SEMA3A: variants seen among roughly 807,000 people sequenced by gnomAD.
The protein encoded by SEMA3A is semaphorin 3A.
In SEMA3A, 29 loss-of-function variants were observed where a neutral mutation model predicts 97.9. The ratio of observed to expected loss-of-function variants is 0.30; its 90% confidence interval spans 0.22 to 0.40. The LOEUF is 0.40. Ranked by LOEUF, SEMA3A falls within the 10% of genes least tolerant of loss-of-function variation. SEMA3A has a pLI of 1.00. For synonymous variants in SEMA3A, 321 were observed against 323.7 expected (o/e 0.99, Z 0.09); for missense variants, 763 against 951.3 (o/e 0.80, Z 2.60).
rs571715476 is a variant in SEMA3A, at chr7:84,394,580, G to A, written c.-245-22680C>T. ...GCCTTCTGCAACAGTTCTAGCAAAG[G>A]GCCCAGTATCAGTATGAGAGTCATA... is the stretch of plus-strand genomic sequence containing the variant. On this transcript the variant is annotated intron_variant, in intron 1 of 3. Coordinates refer to the SEMA3A transcript ENST00000424555. 1.3e-4 allele frequency among the ~76,000 whole-genome samples: 20 copies of A among 152,074 alleles called. No individual in the cohort carries two copies. The East Asian group carries it at 2.9e-3, about 22-fold the overall frequency.
At chr7:84,457,147 G>C (rs1004486617) in intron 1 of SEMA3A, among the ~76,000 whole-genome samples, 5 of 151,614 alleles carry the variant, frequency 3.3e-5, no homozygotes, top group African/African-American at 4.8e-5. Flanking sequence ...TAAGATTGTT[G>C]CTAGTGTGGA....
chr7:84,132,096 A>C (rs114102541), intron 2 of SEMA3A, among the ~76,000 whole-genome samples: 6 of 152,162 alleles, frequency 3.9e-5, no homozygotes, highest in Non-Finnish European at 5.9e-5. Context: ...TACAGGTGTG[A>C]GCCACCATAC....
At chr7:84,258,467 A>G (rs950977412) in intron 3 of SEMA3A, among the ~76,000 whole-genome samples, 2 of 152,186 alleles carry the variant, frequency 1.3e-5, no homozygotes, top group African/African-American at 4.8e-5. Flanking sequence ...TATATGCTGT[A>G]TTTTGAGAAG....
intron 6 of SEMA3A, among the ~76,000 whole-genome samples, chr7:84,022,815 TGGGGAA>T (rs1179157418): frequency 1.3e-5 from 2 of 152,220 alleles, no homozygotes; most frequent in Non-Finnish European, 2.9e-5. Flanking sequence ...GGTATGCCTT[TGGGGAA>T]GAAACTTTGT....
intron 1 of SEMA3A, among the ~76,000 whole-genome samples, chr7:84,436,999 T>C (rs1805149565): frequency 6.6e-6 from 1 of 152,104 alleles, no homozygotes; most frequent in South Asian, 2.1e-4. Context: ...TACCAATGAT[T>C]CAATTCCATG....
chr7:84,393,201 C>G (rs1771137815), intron 1 of SEMA3A, among the ~76,000 whole-genome samples: 1 of 152,054 alleles, frequency 6.6e-6, no homozygotes, highest in African/African-American at 2.4e-5. Flanking sequence ...AGTATTTAAT[C>G]AATTTTGAGT....
At position 84,305,353 on chromosome 7, in the gene SEMA3A, T is replaced by C. The variant is rs1394252545; in HGVS notation, c.-83+1854A>G. Among the ~76,000 whole-genome samples the C allele has an allele frequency of 1.1e-4, 17 of 151,908 alleles. 1 individual carries two copies. Among genetic ancestry groups the C allele is most frequent in the Admixed American group, 9.8e-4 (15 of 15,242 alleles). ...ATTTATGTATCCTAGCTTATATGTG[T>C]GTTACCCAAAACTTAGAATCATAAA... On this transcript the variant is annotated intron_variant, in intron 3 of 3. Transcript: ENST00000424555.
chr7:84,331,284 A>AT (rs1351223916), intron 2 of SEMA3A, among the ~76,000 whole-genome samples: 1 of 152,078 alleles, frequency 6.6e-6, no homozygotes, highest in Non-Finnish European at 1.5e-5. Context: ...TCTTCCAAAG[A>AT]TTTTTTAGCT....
intron 1 of SEMA3A, among the ~76,000 whole-genome samples, chr7:84,147,857 T>C (rs1257496635): frequency 6.6e-6 from 1 of 152,160 alleles, no homozygotes; most frequent in Non-Finnish European, 1.5e-5. Flanking sequence ...GTTGTTTACC[T>C]CAGAGGTTAT....
At chr7:83,978,035 C>T (rs905641111) in intron 14 of SEMA3A, among the ~76,000 whole-genome samples, 10 of 152,024 alleles carry the variant, frequency 6.6e-5, no homozygotes, top group African/African-American at 2.2e-4. Context: ...GATCTCCTGA[C>T]CTTGTGATCC....
At chr7:84,005,672 G>T (rs1018561851) in intron 10 of SEMA3A, 114 bp from the exon 11 acceptor site, 4 of 714,642 alleles carry the variant, frequency 5.6e-6, no homozygotes, top group Non-Finnish European at 6.7e-6. Flanking sequence ...TGCAGGCCAG[G>T]TATGGTAGCT....
chr7:84,416,640 G>GA (rs1804444534), intron 1 of SEMA3A, among the ~76,000 whole-genome samples: 1 of 152,038 alleles, frequency 6.6e-6, no homozygotes, highest in Non-Finnish European at 1.5e-5. Flanking sequence ...GTTTGAAGTT[G>GA]AAAAAACTCT....
intron 14 of SEMA3A, among the ~76,000 whole-genome samples, chr7:83,979,374 C>T (rs1789301679): frequency 6.6e-6 from 1 of 152,046 alleles, no homozygotes; most frequent in Non-Finnish European, 1.5e-5. Flanking sequence ...CATCGTGAGC[C>T]GCCTGCCTTG....
At chr7:84,268,137 T>A (rs1584186692) in intron 3 of SEMA3A, among the ~76,000 whole-genome samples, 2 of 152,118 alleles carry the variant, frequency 1.3e-5, no homozygotes, top group East Asian at 3.9e-4. Context: ...GGGGGCTGCA[T>A]GTCATTAAAC....
intron 1 of SEMA3A, among the ~76,000 whole-genome samples, chr7:84,416,013 G>T (rs1804423265): frequency 6.6e-6 from 1 of 152,046 alleles, no homozygotes; most frequent in South Asian, 2.1e-4. Context: ...TTAGTAGGTA[G>T]ACCAGTAATC....
At chr7:84,043,771 T>A (rs1792235545) in intron 6 of SEMA3A, among the ~76,000 whole-genome samples, 1 of 152,062 alleles carries the variant, frequency 6.6e-6, no homozygotes, top group South Asian at 2.1e-4. Context: ...TTGTGCTAAT[T>A]TGGAAAAATC....
intron 3 of SEMA3A, among the ~76,000 whole-genome samples, chr7:84,267,478 T>C (rs1800035902): frequency 6.6e-6 from 1 of 152,136 alleles, no homozygotes; most frequent in Non-Finnish European, 1.5e-5. Context: ...TCCCTTACCA[T>C]ACCAGCAAAG....
chr7:84,343,078 C>T (rs1802210413), intron 2 of SEMA3A, among the ~76,000 whole-genome samples: 1 of 152,184 alleles, frequency 6.6e-6, no homozygotes, highest in Non-Finnish European at 1.5e-5. Flanking sequence ...TTACCACTAA[C>T]ATTCATAGAC....
At chr7:83,971,667 G>T (rs1788919502) in intron 15 of SEMA3A, among the ~76,000 whole-genome samples, 1 of 152,102 alleles carries the variant, frequency 6.6e-6, no homozygotes, top group Non-Finnish European at 1.5e-5. Context: ...ATGAATGCAT[G>T]AATGTGTAGT....
Sources: allele counts gnomAD v4.1 joint callset (sites outside exome capture counted in the v4.1 genomes callset), GRCh38; gene constraint gnomAD v4.1.1; transcripts MANE v1.5; gene names NCBI Gene and HGNC (gene_info 2026-07-23, HGNC 2026-07-21).